AWAT1: variants seen among roughly 807,000 people sequenced by gnomAD.
AWAT1 encodes diacyl-glycerol acyltransferase 2.
AWAT1 carries 26 observed loss-of-function variants against 21.6 expected under a neutral mutation model. The ratio of observed to expected loss-of-function variants is 1.20; its 90% confidence interval spans 0.88 to 1.67. The LOEUF is 1.67. Ranked by LOEUF, AWAT1 falls within the 40% of genes most tolerant of loss-of-function variation. The pLI is 0.00. For synonymous variants in AWAT1, 102 were observed against 99.3 expected (o/e 1.03, Z -0.16); for missense variants, 264 against 249.4 (o/e 1.06, Z -0.39).
At chrX:70,240,026 G>A (rs2085531586) in intron 6 of AWAT1, 92 bp downstream of exon 6, 2 of 1,138,517 alleles carry the variant, frequency 1.8e-6, no homozygotes, top group Admixed American at 2.3e-5. Flanking sequence ...CAGAGGGGAA[G>A]GTGGGAGCTG....
chrX:70,237,806 T>C (rs764717511), intron 4 of AWAT1, among the ~76,000 whole-genome samples: 5 of 75,438 alleles, frequency 6.6e-5, no homozygotes, highest in Admixed American at 6.3e-4. Flanking sequence ...AACTCCAGCC[T>C]GGGTGACAGA....
At position 70,240,467 on chromosome X, in the gene AWAT1, C is replaced by A; in HGVS notation, c.*177C>A. 2.0e-6 allele frequency: 1 copy of A among 488,877 alleles called. No homozygotes were observed. Among genetic ancestry groups the A allele is most frequent in the Non-Finnish European group, 3.3e-6 (1 of 301,803 alleles). 40.3% of individuals were successfully genotyped at this position (488,877 alleles called of 1,213,427 possible). A position where few individuals can be genotyped will look rare whatever the true frequency, so the allele number is the denominator to read the frequency against. ...CCTTACAGGAATTCTTTCTGAAGAGCTGCACACAGTCATTCCTCAAAGGAG... is the reference window on the plus strand; with the variant it reads ...CCTTACAGGAATTCTTTCTGAAGAGATGCACACAGTCATTCCTCAAAGGAG... On this transcript the variant is annotated 3_prime_UTR_variant, in exon 7 of 7. Coordinates refer to ENST00000374521, the MANE Select transcript of AWAT1 (RefSeq NM_001013579.3).
At chrX:70,236,771 A>G (rs1424505311) in intron 3 of AWAT1, among the ~76,000 whole-genome samples, 1 of 111,757 alleles carries the variant, frequency 8.9e-6, no homozygotes, top group African/African-American at 3.3e-5. Context: ...AAGTGCTCAT[A>G]GACAATGATA....
At chrX:70,237,831 CAAAAAAAAAAAAAA>C (rs34212707) in intron 4 of AWAT1, among the ~76,000 whole-genome samples, 2 of 19,376 alleles carry the variant, frequency 1.0e-4, no homozygotes, top group African/African-American at 4.3e-4. Flanking sequence ...AACTCTGTCT[CAAAAAAAAAAAAAA>C]AAAAAAAAAA....
At chrX:70,237,694 T>C (rs932734685) in intron 4 of AWAT1, among the ~76,000 whole-genome samples, 3 of 107,589 alleles carry the variant, frequency 2.8e-5, no homozygotes, top group African/African-American at 1.0e-4. Flanking sequence ...TAGCTGGGCA[T>C]GGTGGTGGGC....
rs748220225 is a variant in AWAT1, at chrX:70,239,794, T to C, written c.692T>C (p.Phe231Ser). 13 of 1,208,588 alleles carry C rather than the reference T, an allele frequency of 1.1e-5. No homozygotes were observed. Among genetic ancestry groups the C allele is most frequent in the Non-Finnish European group, 5.6e-6 (5 of 894,217 alleles). ...ACTGAGGTGTATGATCAGGTGCTGT[T>C]CCATAAGGATAGCAGGATGTACAAG... The part of the protein sequence containing the change: ...GETEVYDQVL[F>S]HKDSRMYKFQ... Residue 231 changes from phenylalanine to serine, a missense_variant, in exon 6 of 7, where the codon TTC (phenylalanine) becomes TCC (serine). Transcript: ENST00000374521.
chrX:70,238,306 C>A lies in AWAT1; in HGVS notation c.555C>A (p.Ala185=). The part of the protein sequence containing the change: ...VGIVVGGVGE[A]LQSVPNTTTL... ...TTGTAGTGGGAGGTGTGGGTGAGGCCCTGCAAAGTGTGCCCAACACCACCA... is the reference window on the plus strand; with the variant it reads ...TTGTAGTGGGAGGTGTGGGTGAGGCACTGCAAAGTGTGCCCAACACCACCA... The change falls in exon 5 of 7, where the codon GCC becomes GCA. Residue 185 remains alanine (A), a synonymous_variant. Coordinates refer to ENST00000374521, the MANE Select transcript of AWAT1 (RefSeq NM_001013579.3). 8.3e-7 allele frequency: 1 copy of A among 1,210,485 alleles called. No individual in the cohort carries two copies.
chrX:70,237,935 G>A (rs779389712), intron 4 of AWAT1, among the ~76,000 whole-genome samples: 2 of 103,909 alleles, frequency 1.9e-5, no homozygotes, highest in East Asian at 6.1e-4. Context: ...AAAAAAAAAG[G>A]TACCATTATA....
At chrX:70,235,637 G>A (rs2085510908) in intron 1 of AWAT1, 79 bp from the exon 2 acceptor site, 1 of 697,991 alleles carries the variant, frequency 1.4e-6, no homozygotes, top group Non-Finnish European at 2.3e-6. Flanking sequence ...CTTAGGTAAT[G>A]TGGAGAGCTG....
In AWAT1 at chrX:70,238,281, T is replaced by C. The variant is rs759497371; in HGVS notation, c.530T>C (p.Ile177Thr). 1 of 1,211,204 alleles carries C rather than the reference T, an allele frequency of 8.3e-7. No individual in the cohort carries two copies. Among genetic ancestry groups the C allele is most frequent in the South Asian group, 1.8e-5 (1 of 56,927 alleles). Residue 177 changes from isoleucine (I) to threonine (T), a missense_variant, in exon 5 of 7, where the codon ATT (isoleucine) becomes ACT (threonine). Transcript: ENST00000374521. ...CATGGCACTGGCAACCTCGTGGGCA[T>C]TGTAGTGGGAGGTGTGGGTGAGGCC... ...LSHGTGNLVG[I>T]VVGGVGEALQ... is the part of the protein sequence containing the mutation.
Position 70,236,148 on chromosome X carries a change from C to T in AWAT1, c.255+9C>T. Reference sequence around the variant, plus strand: ...ACTATTTCCCCATTACGGTAAGTATCTCTTCCCCAGTGTCCTCAGAGTTCC... The same window carrying T: ...ACTATTTCCCCATTACGGTAAGTATTTCTTCCCCAGTGTCCTCAGAGTTCC... On this transcript the variant is annotated intron_variant, in intron 3 of 6. Coordinates refer to ENST00000374521, the MANE Select transcript of AWAT1 (RefSeq NM_001013579.3). The T allele has an allele frequency of 2.5e-6, 3 of 1,196,171 alleles. No homozygotes were observed. The African/African-American group carries it at 5.2e-5, about 21-fold the overall frequency.
intron 1 of AWAT1, among the ~76,000 whole-genome samples, chrX:70,235,325 G>T (rs181791463): frequency 9.1e-6 from 1 of 110,452 alleles, no homozygotes; most frequent in African/African-American, 3.3e-5. Flanking sequence ...GGAAGATATA[G>T]ATAGTATAGG....
intron 3 of AWAT1, 31 bp from the exon 4 acceptor site, chrX:70,237,013 C>A (rs776732362): frequency 2.4e-5 from 27 of 1,147,773 alleles, no homozygotes; most frequent in Non-Finnish European, 3.2e-5. Context: ...TCTCATTCCA[C>A]CACCTCTGGC....
rs898054535 is a variant in AWAT1, at chrX:70,240,008, G to T, written c.832+74G>T. 3 of 1,130,834 alleles carry T rather than the reference G, an allele frequency of 2.7e-6. No individual in the cohort carries two copies. The African/African-American group carries it at 5.4e-5, about 20-fold the overall frequency. 93.2% of individuals were successfully genotyped at this position (1,130,834 alleles called of 1,213,427 possible). ...ACCTCAGCCTGGCCCCACCAAAGAA[G>T]AGGGCAGCAGAGGGGAAGGTGGGAG... is the stretch of plus-strand genomic sequence containing the variant. On this transcript the variant is annotated intron_variant, in intron 6 of 6. Transcript: ENST00000374521.
intron 1 of AWAT1, 64 bp downstream of exon 1, chrX:70,234,835 G>T: frequency 9.9e-7 from 1 of 1,006,918 alleles, no homozygotes; most frequent in Non-Finnish European, 1.4e-6. Flanking sequence ...CAGATCTAGG[G>T]TGACTTTTAG....
chrX:70,239,782 A>T lies in AWAT1; in HGVS notation c.680A>T (p.Asp227Val). 7 of 1,211,254 alleles carry T rather than the reference A, an allele frequency of 5.8e-6. No homozygotes were observed. Among genetic ancestry groups the T allele is most frequent in the Non-Finnish European group, 7.8e-6 (7 of 895,107 alleles). ...ACTTTTGGGGAAACTGAGGTGTATGATCAGGTGCTGTTCCATAAGGATAGC... is the reference window on the plus strand; with the variant it reads ...ACTTTTGGGGAAACTGAGGTGTATGTTCAGGTGCTGTTCCATAAGGATAGC... ...TFTFGETEVY[D>V]QVLFHKDSRM... The change falls in exon 6 of 7, where the codon GAT becomes GTT. Residue 227 changes from aspartate to valine, a missense_variant. Coordinates refer to ENST00000374521, the MANE Select transcript of AWAT1 (RefSeq NM_001013579.3).
chrX:70,238,487 A>G (rs949158071), intron 5 of AWAT1, 104 bp downstream of exon 5: 8 of 888,661 alleles, frequency 9.0e-6, no homozygotes, highest in Non-Finnish European at 1.2e-5. Flanking sequence ...CTCAAGGAAC[A>G]TACTACCAAG....
intron 4 of AWAT1, among the ~76,000 whole-genome samples, chrX:70,238,003 G>A (rs1354821111): frequency 9.2e-6 from 1 of 109,196 alleles, no homozygotes; most frequent in Non-Finnish European, 1.9e-5. Flanking sequence ...ACCGGTTTTG[G>A]CTCAGTGCCT....
At chrX:70,239,313 T>G (rs1167805038) in intron 5 of AWAT1, among the ~76,000 whole-genome samples, 1 of 112,860 alleles carries the variant, frequency 8.9e-6, no homozygotes, top group Non-Finnish European at 1.9e-5. Context: ...AGATTTACTT[T>G]TCTTTCCCTC....
Sources: gnomAD v4.1 joint callset for allele counts (sites outside exome capture counted in the v4.1 genomes callset) on GRCh38, gnomAD v4.1.1 for gene constraint, MANE v1.5 for transcripts, NCBI Gene and HGNC (gene_info 2026-07-23, HGNC 2026-07-21) for gene names.